STX18: variants seen among roughly 807,000 people sequenced by gnomAD.
STX18 encodes the protein syntaxin-18.
In STX18, 40 loss-of-function variants were observed where a neutral mutation model predicts 50.1. The observed-to-expected ratio is 0.80, with a 90% CI of 0.62 to 1.04. STX18 has a LOEUF of 1.04. Among genes scored for constraint, STX18 ranks in the 50% least tolerant of loss-of-function variants. The pLI, the probability that STX18 is intolerant of heterozygous loss-of-function variation, is 0.00. For synonymous variants in STX18, 158 were observed against 151.8 expected (o/e 1.04, Z -0.30); for missense variants, 410 against 415.8 (o/e 0.99, Z 0.12).
chr4:4,510,631 G>C (rs1316862592), intron 1 of STX18, among the ~76,000 whole-genome samples: 3 of 152,126 alleles, frequency 2.0e-5, no homozygotes, highest in East Asian at 1.9e-4. Flanking sequence ...AATACCATTT[G>C]ACCCAGCAAT....
chr4:4,507,154 A>AC, intron 1 of STX18: 1 of 556,286 alleles, frequency 1.8e-6, no homozygotes, highest in Non-Finnish European at 3.5e-6. Context: ...TGCTAGCAAC[A>AC]CAGTACAAGA....
At chr4:4,476,519 G>C (rs936399723) in intron 1 of STX18, among the ~76,000 whole-genome samples, 1 of 152,094 alleles carries the variant, frequency 6.6e-6, no homozygotes, top group Admixed American at 6.6e-5. Context: ...AAATATGTTG[G>C]TGTTTTTTAG....
intron 5 of STX18, among the ~76,000 whole-genome samples, chr4:4,441,585 C>G (rs752615627): frequency 2.0e-5 from 3 of 151,930 alleles, no homozygotes; most frequent in Admixed American, 6.6e-5. Flanking sequence ...AAAGCCCATA[C>G]GTAAAAAACC....
chr4:4,531,003 T>C (rs756673606), intron 1 of STX18, among the ~76,000 whole-genome samples: 4 of 152,202 alleles, frequency 2.6e-5, no homozygotes, highest in Non-Finnish European at 4.4e-5. Flanking sequence ...AAATCTTTAG[T>C]CCATCTAGAA....
chr4:4,504,836 T>A (rs1729625176), intron 1 of STX18, among the ~76,000 whole-genome samples: 1 of 152,070 alleles, frequency 6.6e-6, no homozygotes. Flanking sequence ...TAACTAGAAT[T>A]CTCATACATT....
chr4:4,424,041 A>G (rs1226972734), intron 8 of STX18, among the ~76,000 whole-genome samples: 1 of 152,146 alleles, frequency 6.6e-6, no homozygotes, highest in East Asian at 1.9e-4. Context: ...TCAGCAGGTT[A>G]AAGAAAAAAG....
At chr4:4,534,747 C>T (rs1731254064) in intron 1 of STX18, among the ~76,000 whole-genome samples, 1 of 152,272 alleles carries the variant, frequency 6.6e-6, no homozygotes. Context: ...AACTTTTTCT[C>T]TAAAGGGTCA....
intron 1 of STX18, among the ~76,000 whole-genome samples, chr4:4,532,956 T>C (rs919520189): frequency 6.6e-6 from 1 of 152,182 alleles, no homozygotes; most frequent in East Asian, 1.9e-4. Flanking sequence ...CTTGGTTAAA[T>C]ACAGCTTACA....
At chr4:4,454,190 T>C (rs1726944896) in intron 5 of STX18, among the ~76,000 whole-genome samples, 2 of 152,216 alleles carry the variant, frequency 1.3e-5, no homozygotes, top group Admixed American at 6.5e-5. Context: ...AGATGCCTTC[T>C]GCCTAAAGAT....
intron 1 of STX18, chr4:4,481,630 C>T (rs1728465953): frequency 6.6e-6 from 1 of 152,200 alleles, no homozygotes; most frequent in Non-Finnish European, 1.5e-5. Flanking sequence ...AGCCCACTGA[C>T]TAAATTCCGA....
chr4:4,420,142 G>A lies in STX18; in HGVS notation c.913-13C>T, dbSNP rs141906083. 1.6e-4 allele frequency: 250 copies of A among 1,599,520 alleles called. 1 individual carries two copies. In the East Asian group the frequency reaches 4.2e-3, roughly 27 times the overall value. On this transcript the variant is annotated splice_polypyrimidine_tract_variant and intron_variant, in intron 10 of 10. Coordinates refer to ENST00000306200, the MANE Select transcript of STX18 (RefSeq NM_016930.4). This position sits in a 1 kb window ranked among gnomAD's most constrained non-coding sequence, Gnocchi z 4.3. The stretch of plus-strand genomic sequence containing the variant: ...TGTTTTTAATGGCCTGGGCAGGGAC[G>A]GGAGCACAGGTGTTTTTATCACACA...
At chr4:4,501,495 C>T (rs565809238) in intron 1 of STX18, among the ~76,000 whole-genome samples, 3 of 152,288 alleles carry the variant, frequency 2.0e-5, no homozygotes, top group African/African-American at 7.2e-5. Context: ...GAGGGAAAAT[C>T]TATATGAGGG....
rs76942037 is a variant in STX18 at position 4,452,153 on chromosome 4, T to A, written c.497+5038A>T. On this transcript the variant is annotated intron_variant, in intron 5 of 10. Coordinates refer to ENST00000306200, the MANE Select transcript of STX18 (RefSeq NM_016930.4). ...ATTCAGCGCAAGGCCCTAACTCTCT[T>A]CGATTCTGTGAAGGCTAAGAAAGGT... Among the ~76,000 whole-genome samples, 941 of 152,252 alleles carry A rather than the reference T, an allele frequency of 6.2e-3. 7 individuals carry two copies. Among genetic ancestry groups the A allele is most frequent in the African/African-American group, 0.021 (874 of 41,542 alleles).
Position 4,459,000 on chromosome 4 carries a change from CAT to C in STX18, c.352+370_352+371del, listed in dbSNP as rs1408156695. On this transcript the variant is annotated intron_variant, in intron 3 of 10. Transcript: ENST00000306200. ...AAATGCCACACAGAACAGAGGCACACATGTGCATACACACATACACACCCACA... is the reference window on the plus strand; with the variant it reads ...AAATGCCACACAGAACAGAGGCACACGTGCATACACACATACACACCCACA... Among the ~76,000 whole-genome samples, 5 of 152,184 alleles carry C rather than the reference CAT, an allele frequency of 3.3e-5. No individual in the cohort carries two copies. The East Asian group carries it at 9.7e-4, about 29-fold the overall frequency.
intron 1 of STX18, among the ~76,000 whole-genome samples, chr4:4,482,367 A>G (rs73086290): frequency 1.9e-3 from 291 of 152,284 alleles, no homozygotes; most frequent in African/African-American, 6.8e-3. Flanking sequence ...CTCAAAAGCA[A>G]TATGTCCCAA....
intron 2 of STX18, among the ~76,000 whole-genome samples, chr4:4,465,144 G>A (rs554496148): frequency 6.6e-6 from 1 of 152,212 alleles, no homozygotes; most frequent in Admixed American, 6.5e-5. Flanking sequence ...TGTTCTGTTG[G>A]TGGGAGCATA....
chr4:4,469,466 G>A (rs1473458905), intron 2 of STX18, among the ~76,000 whole-genome samples: 1 of 152,098 alleles, frequency 6.6e-6, no homozygotes, highest in East Asian at 1.9e-4. Context: ...AAGGTCAAAT[G>A]TATAAACTAA....
intron 2 of STX18, among the ~76,000 whole-genome samples, chr4:4,469,649 G>A (rs753753789): frequency 6.6e-6 from 1 of 152,088 alleles, no homozygotes; most frequent in Non-Finnish European, 1.5e-5. Flanking sequence ...GAGCACAGCG[G>A]TACCTGAGAG....
chr4:4,514,625 A>G (rs1730154057), intron 1 of STX18, among the ~76,000 whole-genome samples: 1 of 152,232 alleles, frequency 6.6e-6, no homozygotes, highest in Admixed American at 6.5e-5. Flanking sequence ...AGGATAGGAT[A>G]ACATCCATCT....
Sources: allele counts gnomAD v4.1 joint callset (sites outside exome capture counted in the v4.1 genomes callset), GRCh38; gene constraint gnomAD v4.1.1; non-coding constraint Gnocchi (gnomAD v3.1); transcripts MANE v1.5; gene names NCBI Gene and HGNC (gene_info 2026-07-23, HGNC 2026-07-21).